Variants in NUP205 observed in about 807,000 individuals in gnomAD.
NUP205 encodes the protein nucleoporin 205.
In NUP205, 76 loss-of-function variants were observed where a neutral mutation model predicts 253.8. That is an observed-to-expected ratio of 0.30 (90% confidence interval 0.25 to 0.36). NUP205 has a LOEUF of 0.36. Among genes scored for constraint, NUP205 ranks in the 10% least tolerant of loss-of-function variants. NUP205 has a pLI of 1.00. For synonymous variants in NUP205, 832 were observed against 850.1 expected (o/e 0.98, Z 0.37); for missense variants, 2,162 against 2,425.5 (o/e 0.89, Z 2.28).
At chr7:135,645,215 A>G (rs1414153006) in intron 40 of NUP205, among the ~76,000 whole-genome samples, 197 bp downstream of exon 40, 1 of 152,206 alleles carries the variant, frequency 6.6e-6, no homozygotes, top group Non-Finnish European at 1.5e-5. Flanking sequence ...GATAAAATAC[A>G]TGGGCACTTT....
At chr7:135,621,345 G>C (rs1481436602) in intron 30 of NUP205, among the ~76,000 whole-genome samples, 1 of 143,114 alleles carries the variant, frequency 7.0e-6, no homozygotes. Flanking sequence ...AGATAGTAAT[G>C]GGATTTCTCC....
rs1228792611 is a variant in NUP205 at position 135,577,105 on chromosome 7, G to T, written c.625G>T (p.Gly209Cys). Residue 209 changes from glycine to cysteine, a missense_variant, in exon 5 of 43, where the codon GGC (glycine) becomes TGC (cysteine). Gly to Cys is a radical substitution (Grantham distance 159). Coordinates refer to ENST00000285968, the MANE Select transcript of NUP205 (RefSeq NM_015135.3). ...GAAACTACAGCGAGAGAGAGGTTTGGGCAGTGAAAAACATCGCAAAGAGGC... is the reference window on the plus strand; with the variant it reads ...GAAACTACAGCGAGAGAGAGGTTTGTGCAGTGAAAAACATCGCAAAGAGGC... ...FEKLQRERGL[G>C]SEKHRKEVSD... is the part of the protein sequence containing the mutation. The T allele has an allele frequency of 6.2e-7, 1 of 1,612,168 alleles. No homozygotes were observed. The highest frequency in any genetic ancestry group is 1.7e-5 in the Admixed American group (1 of 59,460).
At position 135,597,358 on chromosome 7, in the gene NUP205, C is replaced by T. The variant is rs1261816871; in HGVS notation, c.2014-10C>T. The T allele has an allele frequency of 6.2e-7, 1 of 1,602,270 alleles. No homozygotes were observed. Among genetic ancestry groups the T allele is most frequent in the South Asian group, 1.1e-5 (1 of 90,686 alleles). The stretch of plus-strand genomic sequence containing the variant: ...GAATGCTCCTGACATCTACTTCTTA[C>T]TATTTTAAGATACTGCAGACCGTGA... On this transcript the variant is annotated splice_polypyrimidine_tract_variant and intron_variant, in intron 13 of 42. Transcript: ENST00000285968.
At chr7:135,603,051 A>AT in intron 18 of NUP205, 57 bp downstream of exon 18, 1 of 1,292,684 alleles carries the variant, frequency 7.7e-7, no homozygotes, top group Admixed American at 2.3e-5. Context: ...TCTAGCTTTG[A>AT]TTTTCAAATC....
chr7:135,572,394 T>C (rs547864713), intron 2 of NUP205, among the ~76,000 whole-genome samples: 2 of 152,290 alleles, frequency 1.3e-5, no homozygotes, highest in African/African-American at 4.8e-5. Flanking sequence ...TTTTAAGTAT[T>C]ATTTTATAGT....
At chr7:135,622,166 T>C (rs1794484671) in intron 30 of NUP205, among the ~76,000 whole-genome samples, 2 of 151,690 alleles carry the variant, frequency 1.3e-5, no homozygotes, top group South Asian at 4.2e-4. Flanking sequence ...GGCTCACACC[T>C]GTAATCCCAG....
At position 135,578,742 on chromosome 7, in the gene NUP205, T is replaced by C. The variant is rs749913439; in HGVS notation, c.878-9T>C. ...TGATCGGTAAAGTGGTCTATTTTTGTGTTTTCAGATATGATTCATCAACTT... is the reference window on the plus strand; with the variant it reads ...TGATCGGTAAAGTGGTCTATTTTTGCGTTTTCAGATATGATTCATCAACTT... On this transcript the variant is annotated splice_polypyrimidine_tract_variant and intron_variant, in intron 6 of 42. Transcript: ENST00000285968. 7 of 1,579,494 alleles carry C rather than the reference T, an allele frequency of 4.4e-6. No homozygotes were observed. The South Asian group carries it at 8.1e-5, about 18-fold the overall frequency.
At chr7:135,600,297 C>T (rs1793939214) in intron 15 of NUP205, among the ~76,000 whole-genome samples, 1 of 152,124 alleles carries the variant, frequency 6.6e-6, no homozygotes, top group Non-Finnish European at 1.5e-5. Context: ...TGGGGCAAGC[C>T]TACCAGTGAT....
At chr7:135,606,629 T>C in intron 20 of NUP205, 122 bp from the exon 21 acceptor site, 2 of 711,580 alleles carry the variant, frequency 2.8e-6, no homozygotes, top group East Asian at 2.6e-5. Context: ...ATGAATGTGA[T>C]AGATAATCAG....
intron 39 of NUP205, among the ~76,000 whole-genome samples, chr7:135,644,581 GTTTGAAAAACCTA>G: frequency 6.6e-6 from 1 of 152,164 alleles, no homozygotes; most frequent in East Asian, 1.9e-4. Flanking sequence ...TATAGCTACT[GTTTGAAAAACCTA>G]TCATTTTGTC....
At chr7:135,600,129 C>T (rs1361675670) in intron 15 of NUP205, among the ~76,000 whole-genome samples, 1 of 152,128 alleles carries the variant, frequency 6.6e-6, no homozygotes, top group Non-Finnish European at 1.5e-5. Flanking sequence ...AATGACCAAA[C>T]CCAGTCTTAT....
chr7:135,574,768 G>A (rs565640809), intron 3 of NUP205, among the ~76,000 whole-genome samples: 47 of 152,276 alleles, frequency 3.1e-4, no homozygotes, highest in African/African-American at 1.0e-3. Flanking sequence ...TATTTCTCTG[G>A]CTGCTGTGTA....
At chr7:135,635,386 C>T (rs1370778725) in intron 35 of NUP205, 195 bp from the exon 36 acceptor site, 8 of 365,298 alleles carry the variant, frequency 2.2e-5, no homozygotes, top group South Asian at 1.3e-4. Context: ...GCTTTGAATG[C>T]GCATGTACCG....
chr7:135,587,504 T>A (rs1384789076), intron 8 of NUP205, 71 bp from the exon 9 acceptor site: 1 of 817,576 alleles, frequency 1.2e-6, no homozygotes, highest in Non-Finnish European at 1.9e-6. Flanking sequence ...TTAAGACAGT[T>A]GCCTGATTTC....
In NUP205 at chr7:135,613,113, A is replaced by T. The variant is rs188209233; in HGVS notation, c.3196-1046A>T. Among the ~76,000 whole-genome samples the T allele has an allele frequency of 5.9e-3, 905 of 152,116 alleles. 7 individuals carry two copies. Among genetic ancestry groups the T allele is most frequent in the Non-Finnish European group, 9.3e-3 (629 of 67,984 alleles). On this transcript the variant is annotated intron_variant, in intron 22 of 42. Coordinates refer to ENST00000285968, the MANE Select transcript of NUP205 (RefSeq NM_015135.3). ...AAAAAAAAAAAATTTGCTGATTTAT[A>T]ATATGATACCTACCTATTATCATCT...
chr7:135,571,729 C>T (rs1409914273), intron 2 of NUP205, among the ~76,000 whole-genome samples: 1 of 152,040 alleles, frequency 6.6e-6, no homozygotes, highest in Non-Finnish European at 1.5e-5. Flanking sequence ...CATTTACACT[C>T]TTAGTTATTT....
chr7:135,588,166 A>C (rs1330344689), intron 10 of NUP205, among the ~76,000 whole-genome samples, 174 bp downstream of exon 10: 1 of 152,186 alleles, frequency 6.6e-6, no homozygotes, highest in Admixed American at 6.5e-5. Context: ...GTTGAGACAA[A>C]GTCTCACTCT....
intron 32 of NUP205, 34 bp downstream of exon 32, chr7:135,625,389 G>A: frequency 6.7e-7 from 1 of 1,503,640 alleles, no homozygotes; most frequent in Non-Finnish European, 9.0e-7. Flanking sequence ...GTTAGATCAA[G>A]AAGTCGTTTT....
In NUP205 at chr7:135,593,161, T is replaced by C; in HGVS notation, c.1799T>C (p.Phe600Ser). 1.2e-6 allele frequency: 2 copies of C among 1,614,128 alleles called. No homozygotes were observed. The highest frequency in any genetic ancestry group is 1.7e-6 in the Non-Finnish European group (2 of 1,179,992). Residue 600 changes from phenylalanine to serine, a missense_variant, in exon 12 of 43, where the codon TTT becomes TCT. Phe to Ser is a radical substitution (Grantham distance 155, BLOSUM62 -2). Transcript: ENST00000285968. ...TQKEQDGLIA[F>S]LQLTSTIITW... ...AAGGAGCAAGATGGATTGATTGCTTTTTTGCAGCTCACGTCTACCATCATT... is the reference window on the plus strand; with the variant it reads ...AAGGAGCAAGATGGATTGATTGCTTCTTTGCAGCTCACGTCTACCATCATT...
Sources: allele counts gnomAD v4.1 joint callset (sites outside exome capture counted in the v4.1 genomes callset), GRCh38; gene constraint gnomAD v4.1.1; transcripts MANE v1.5; gene names NCBI Gene and HGNC (gene_info 2026-07-23, HGNC 2026-07-21).